KLHL32: variants seen among roughly 807,000 people sequenced by gnomAD.
KLHL32 encodes the protein kelch-like protein 32.
KLHL32 carries 35 observed loss-of-function variants against 64.8 expected under a neutral mutation model. The observed-to-expected ratio is 0.54, with a 90% CI of 0.41 to 0.72. KLHL32 has a LOEUF of 0.72. Among genes scored for constraint, KLHL32 ranks in the 30% least tolerant of loss-of-function variants. The pLI, the probability that KLHL32 is intolerant of heterozygous loss-of-function variation, is 0.00. For missense variants in KLHL32, 589 were observed against 768.5 expected (o/e 0.77, Z 2.76); for synonymous variants, 259 against 281.0 (o/e 0.92, Z 0.78).
chr6:97,071,360 C>T (rs1475485509), intron 5 of KLHL32, among the ~76,000 whole-genome samples: 3 of 152,116 alleles, frequency 2.0e-5, no homozygotes, highest in Non-Finnish European at 4.4e-5. Flanking sequence ...CTCTCTTTCT[C>T]GGGGCTCTCT....
intron 6 of KLHL32, among the ~76,000 whole-genome samples, chr6:97,111,580 T>G (rs1018975325): frequency 6.6e-6 from 1 of 152,128 alleles, no homozygotes; most frequent in Non-Finnish European, 1.5e-5. Context: ...CACCACAGCA[T>G]CTAGTGGGGA....
chr6:97,004,107 A>G (rs1779375532), intron 3 of KLHL32, among the ~76,000 whole-genome samples: 1 of 152,192 alleles, frequency 6.6e-6, no homozygotes, highest in Admixed American at 6.5e-5. Context: ...CTTCCTATTC[A>G]TGAGTATGGA....
chr6:96,983,280 G>A (rs1776559851), intron 3 of KLHL32, among the ~76,000 whole-genome samples: 1 of 152,304 alleles, frequency 6.6e-6, no homozygotes, highest in Non-Finnish European at 1.5e-5. Flanking sequence ...GATTTGGATT[G>A]CCAGTATTTT....
chr6:97,004,240 G>A (rs140432821), intron 3 of KLHL32, among the ~76,000 whole-genome samples: 64 of 152,198 alleles, frequency 4.2e-4, no homozygotes, highest in African/African-American at 1.3e-3. Flanking sequence ...TATGGCCATC[G>A]TGAATGTGAC....
rs1800538928 is a variant in KLHL32 at position 97,140,240 on chromosome 6, A to G, written c.*958A>G. The G allele has an allele frequency of 6.6e-6, 1 of 151,470 alleles. No individual in the cohort carries two copies. The highest frequency in any genetic ancestry group is 2.1e-4 in the South Asian group (1 of 4,790). 9.4% of individuals were successfully genotyped at this position (151,470 alleles called of 1,614,324 possible). ...TAAACTTGCCTCAAGTAACTCTCAGATGTCTTATTTAAAATCATTTAGTGA... is the reference window on the plus strand; with the variant it reads ...TAAACTTGCCTCAAGTAACTCTCAGGTGTCTTATTTAAAATCATTTAGTGA... On this transcript the variant is annotated 3_prime_UTR_variant, in exon 11 of 11. Coordinates refer to ENST00000369261, the MANE Select transcript of KLHL32 (RefSeq NM_052904.4).
chr6:96,996,362 C>T (rs932831134), intron 3 of KLHL32, among the ~76,000 whole-genome samples: 18 of 152,044 alleles, frequency 1.2e-4, no homozygotes, highest in Admixed American at 9.2e-4. Flanking sequence ...GAGAAAAGGG[C>T]ATAAATCCCA....
At chr6:97,101,584 C>G (rs1238198407) in intron 6 of KLHL32, among the ~76,000 whole-genome samples, 2 of 152,176 alleles carry the variant, frequency 1.3e-5, no homozygotes, top group Non-Finnish European at 2.9e-5. Context: ...ACAAAAACAA[C>G]TGGGTTTCAG....
intron 4 of KLHL32, chr6:97,062,506 T>C (rs1372755971): frequency 6.6e-6 from 1 of 152,220 alleles, no homozygotes; most frequent in Non-Finnish European, 1.5e-5. Flanking sequence ...AGATGAGTGT[T>C]GGTATTTTTG....
chr6:96,934,506 T>A (rs1582388204), intron 1 of KLHL32, among the ~76,000 whole-genome samples: 1 of 152,232 alleles, frequency 6.6e-6, no homozygotes, highest in East Asian at 1.9e-4. Context: ...GCTCTCCAGA[T>A]ACTCAGTGGA....
chr6:96,922,576 A>G (rs1271249328), upstream of KLHL32, among the ~76,000 whole-genome samples: 1 of 152,200 alleles, frequency 6.6e-6, no homozygotes, highest in Non-Finnish European at 1.5e-5. Flanking sequence ...ATGTATATTT[A>G]TTGACAACTA....
At chr6:97,014,234 G>T (rs1376018426) in intron 3 of KLHL32, among the ~76,000 whole-genome samples, 4 of 151,560 alleles carry the variant, frequency 2.6e-5, no homozygotes, top group African/African-American at 7.3e-5. Context: ...GGCGGAGCTT[G>T]CAGTGAGCCG....
intron 6 of KLHL32, among the ~76,000 whole-genome samples, chr6:97,111,493 G>A (rs537892175): frequency 2.0e-3 from 305 of 152,274 alleles, no homozygotes; most frequent in African/African-American, 7.2e-3. Context: ...CTCATGGGAC[G>A]GAACATGCAG....
chr6:96,950,551 T>A (rs998741278), intron 1 of KLHL32, among the ~76,000 whole-genome samples: 1 of 152,130 alleles, frequency 6.6e-6, no homozygotes, highest in Non-Finnish European at 1.5e-5. Context: ...TTAATCTTAC[T>A]CCTTTACATG....
rs146769395 is a variant in KLHL32 at position 96,958,486 on chromosome 6, G to C, written c.-65-8510G>C. Among the ~76,000 whole-genome samples the C allele has an allele frequency of 2.6e-5, 4 of 152,314 alleles. No homozygotes were observed. In the East Asian group the frequency reaches 7.7e-4, roughly 29 times the overall value. ...GGTACCCTGAGGGGAGAGAACAATT[G>C]AGTGTTGATGAGTATGTCTGTATGA... On this transcript the variant is annotated intron_variant, in intron 1 of 10. Coordinates refer to ENST00000369261, the MANE Select transcript of KLHL32 (RefSeq NM_052904.4).
Position 97,130,771 on chromosome 6 carries a change from C to A in KLHL32, c.1428C>A (p.Ser476Arg). ...TCTTTTTTCAGAATAAGTGGATAAG[C>A]CGTAGCCCCATGCTGCAGAGAAGGG... Reference protein sequence around the residue: ...VYEPNQNKWISRSPMLQRRVY... With the variant: ...VYEPNQNKWIRRSPMLQRRVY... The change falls in exon 9 of 11, where the codon AGC becomes AGA. Residue 476 changes from serine to arginine, a missense_variant. Coordinates refer to ENST00000369261, the MANE Select transcript of KLHL32 (RefSeq NM_052904.4). 1 of 1,613,058 alleles carries A rather than the reference C, an allele frequency of 6.2e-7. No homozygotes were observed. The highest frequency in any genetic ancestry group is 8.5e-7 in the Non-Finnish European group (1 of 1,179,562).
chr6:96,921,571 G>C (rs1768756830), upstream of KLHL32, among the ~76,000 whole-genome samples: 1 of 152,156 alleles, frequency 6.6e-6, no homozygotes, highest in African/African-American at 2.4e-5. Flanking sequence ...ACAGTAATTA[G>C]AAATATGGCT....
At chr6:97,138,932 T>C (rs1395802027) in intron 10 of KLHL32, among the ~76,000 whole-genome samples, 189 bp from the exon 11 acceptor site, 1 of 152,200 alleles carries the variant, frequency 6.6e-6, no homozygotes, top group African/African-American at 2.4e-5. Flanking sequence ...AAAAACATAC[T>C]AACATAGTGT....
chr6:97,070,788 G>A (rs1421156880), intron 5 of KLHL32, among the ~76,000 whole-genome samples: 1 of 152,098 alleles, frequency 6.6e-6, no homozygotes, highest in Non-Finnish European at 1.5e-5. Context: ...TTTTATTCAT[G>A]CTAGAGTTCA....
intron 3 of KLHL32, among the ~76,000 whole-genome samples, chr6:96,976,889 G>A (rs537957137): frequency 1.3e-5 from 2 of 152,028 alleles, no homozygotes; most frequent in African/African-American, 4.8e-5. Context: ...ACACACCACC[G>A]CGGCCAGCCT....
Sources: allele counts gnomAD v4.1 joint callset (sites outside exome capture counted in the v4.1 genomes callset), GRCh38; gene constraint gnomAD v4.1.1; transcripts MANE v1.5; gene names NCBI Gene and HGNC (gene_info 2026-07-23, HGNC 2026-07-21).